Variants in ZBBX observed in about 807,000 individuals in gnomAD.
The protein encoded by ZBBX is zinc finger B-box domain-containing protein 1.
Under a neutral mutation model 108.5 loss-of-function variants are expected in ZBBX, and 101 were observed. That is an observed-to-expected ratio of 0.93 (90% CI 0.79 to 1.10). The LOEUF (loss-of-function observed/expected upper bound fraction) is 1.10, where lower values mean the gene tolerates loss of function less well. ZBBX is among the 50% of genes least tolerant of loss of function. ZBBX has a pLI of 0.00. For missense variants in ZBBX, 1,009 were observed against 941.4 expected, an observed-to-expected ratio of 1.07 and a Z score of -0.94; for synonymous variants, 356 against 323.4, an observed-to-expected ratio of 1.10 and a Z score of -1.08.
chr3:167,243,689 ACCT>A (rs1560014515), intron 20 of ZBBX, among the ~76,000 whole-genome samples: 3 of 148,600 alleles, frequency 2.0e-5, no homozygotes, highest in South Asian at 4.3e-4. Context: ...GACCAAATAA[ACCT>A]CCTCCTGGTC....
chr3:167,342,608 T>A (rs747560246), intron 9 of ZBBX, among the ~76,000 whole-genome samples: 1 of 151,792 alleles, frequency 6.6e-6, no homozygotes, highest in Non-Finnish European at 1.5e-5. Context: ...TTGCTAACTT[T>A]AACTTTCTAC....
At chr3:167,307,532 G>A (rs772740406) in intron 16 of ZBBX, among the ~76,000 whole-genome samples, 8 of 152,038 alleles carry the variant, frequency 5.3e-5, no homozygotes, top group African/African-American at 1.4e-4. Flanking sequence ...AGCAAAAAGA[G>A]CAAAACTGGA....
At chr3:167,282,577 GCA>G in intron 19 of ZBBX, 82 bp from the exon 20 acceptor site, 1 of 1,207,510 alleles carries the variant, frequency 8.3e-7, no homozygotes, top group Non-Finnish European at 1.2e-6. Context: ...CCAGGTCCCT[GCA>G]CACAGAGAAG....
chr3:167,366,052 C>T, intron 5 of ZBBX, 76 bp from the exon 6 acceptor site: 1 of 1,143,362 alleles, frequency 8.7e-7, no homozygotes, highest in South Asian at 1.7e-5. Context: ...ATACAGTGTT[C>T]CTGTTTCAGA....
chr3:167,239,915 G>C lies in ZBBX; in HGVS notation c.*878C>G, dbSNP rs1056089043. On this transcript the variant is annotated 3_prime_UTR_variant, in exon 22 of 22. Coordinates refer to ENST00000675490, the MANE Select transcript of ZBBX (RefSeq NM_001199201.2). The stretch of plus-strand genomic sequence containing the variant: ...GGGGGAGGCCTCAGGAAATCATGGT[G>C]AAAGGGGAAGCAAACACATTCTTCT... 3.3e-5 allele frequency among the ~76,000 whole-genome samples: 5 copies of C among 152,130 alleles called. No individual in the cohort carries two copies. Among genetic ancestry groups the C allele is most frequent in the African/African-American group, 1.2e-4 (5 of 41,436 alleles).
At chr3:167,368,647 C>T in intron 4 of ZBBX, 73 bp from the exon 5 acceptor site, 1 of 1,360,748 alleles carries the variant, frequency 7.3e-7, no homozygotes, top group Non-Finnish European at 9.7e-7. Flanking sequence ...TAATCTTTTC[C>T]TGTTAAATTA....
At chr3:167,372,444 A>G (rs923026357) in intron 4 of ZBBX, among the ~76,000 whole-genome samples, 1 of 152,202 alleles carries the variant, frequency 6.6e-6, no homozygotes, top group East Asian at 1.9e-4. Context: ...TCAATTCAAC[A>G]TAACATCCTT....
chr3:167,350,310 A>G, intron 9 of ZBBX, 110 bp downstream of exon 9: 1 of 755,482 alleles, frequency 1.3e-6, no homozygotes, highest in Non-Finnish European at 2.1e-6. Context: ...AGAATTTTAG[A>G]AATTAGCGTA....
chr3:167,376,880 C>T (rs1265395914), intron 2 of ZBBX, among the ~76,000 whole-genome samples: 1 of 152,134 alleles, frequency 6.6e-6, no homozygotes, highest in Non-Finnish European at 1.5e-5. Flanking sequence ...AGAATTTAGT[C>T]ACCTTTCTGG....
chr3:167,328,200 T>C, intron 10 of ZBBX, 84 bp from the exon 11 acceptor site: 1 of 1,371,320 alleles, frequency 7.3e-7, no homozygotes, highest in East Asian at 2.3e-5. Context: ...AATTCTGTGT[T>C]TTAAAATACA....
the ZBBX span, among the ~76,000 whole-genome samples, chr3:167,226,153 C>T: frequency 1.3e-5 from 2 of 150,464 alleles, no homozygotes; most frequent in Non-Finnish European, 3.0e-5. Flanking sequence ...AAAATAATAA[C>T]ATCGACAACA....
the ZBBX span, among the ~76,000 whole-genome samples, chr3:167,230,018 T>C: frequency 2.0e-5 from 3 of 151,890 alleles, no homozygotes; most frequent in African/African-American, 4.8e-5. Context: ...TTGGCAAGTA[T>C]GAAATCTGGA....
At chr3:167,313,165 G>A (rs1345360656) in intron 16 of ZBBX, among the ~76,000 whole-genome samples, 3 of 152,122 alleles carry the variant, frequency 2.0e-5, no homozygotes, top group African/African-American at 7.2e-5. Flanking sequence ...GTCTTTAAAT[G>A]ATCTCACAAT....
intron 20 of ZBBX, among the ~76,000 whole-genome samples, chr3:167,250,290 ACAAACCC>A (rs1372189157): frequency 6.6e-6 from 1 of 152,192 alleles, no homozygotes; most frequent in Non-Finnish European, 1.5e-5. Context: ...ATGTAAGCCC[ACAAACCC>A]CAAAATTCCC....
intron 8 of ZBBX, among the ~76,000 whole-genome samples, chr3:167,351,087 GA>G (rs201659377): frequency 1.2e-3 from 179 of 144,050 alleles, no homozygotes; most frequent in African/African-American, 3.2e-3. Flanking sequence ...ATCTCTAAAG[GA>G]AAAAAAAAAG....
downstream of ZBBX, among the ~76,000 whole-genome samples, chr3:167,235,624 A>G (rs1205046747): frequency 6.6e-6 from 1 of 151,654 alleles, no homozygotes; most frequent in Non-Finnish European, 1.5e-5. Context: ...CTATGTTTTC[A>G]TAACTGTTAC....
chr3:167,186,387 G>A, the ZBBX span, among the ~76,000 whole-genome samples: 1 of 151,640 alleles, frequency 6.6e-6, no homozygotes, highest in Non-Finnish European at 1.5e-5. Flanking sequence ...AATATTTGTA[G>A]GAAGGAAGGA....
chr3:167,351,956 G>C (rs534347914), intron 8 of ZBBX, among the ~76,000 whole-genome samples: 3 of 152,164 alleles, frequency 2.0e-5, no homozygotes, highest in African/African-American at 7.2e-5. Context: ...CCACAACATA[G>C]CCATCGCTGA....
Position 167,333,855 on chromosome 3 carries a change from G to A in ZBBX, c.659C>T (p.Ser220Phe). ...AGAGCTGCTCCTCTGGAGAAGTACA[G>A]ATTTGGGTTTATGTTGAATTTTACT... ...ETSKIQHKPK[S>F]VLLQRSSSEV... The change falls in exon 10 of 22, where the codon TCT becomes TTT. Residue 220 changes from serine to phenylalanine, a missense_variant. Coordinates refer to ENST00000675490, the MANE Select transcript of ZBBX (RefSeq NM_001199201.2). 1 of 1,611,074 alleles carries A rather than the reference G, an allele frequency of 6.2e-7. No homozygotes were observed. Among genetic ancestry groups the A allele is most frequent in the Non-Finnish European group, 8.5e-7 (1 of 1,178,786 alleles).
Sources: allele counts gnomAD v4.1 joint callset (sites outside exome capture counted in the v4.1 genomes callset), GRCh38; gene constraint gnomAD v4.1.1; transcripts MANE v1.5; gene names NCBI Gene and HGNC (gene_info 2026-07-23, HGNC 2026-07-21).